The following HIPK3 variants were observed in gnomAD, a reference collection of about 807,000 sequenced individuals.
HIPK3 encodes homeodomain interacting protein kinase 3.
HIPK3 carries 47 observed loss-of-function variants against 124.2 expected under a neutral mutation model. The ratio of observed to expected loss-of-function variants is 0.38; its 90% confidence interval spans 0.30 to 0.48. The LOEUF (loss-of-function observed/expected upper bound fraction) is 0.48, where lower values mean the gene tolerates loss of function less well. HIPK3 is among the 20% of genes least tolerant of loss of function. The probability of loss-of-function intolerance (pLI) is 0.98; values close to 1 mark genes in which losing one functional copy is unlikely to be tolerated. For missense variants in HIPK3, 1,286 were observed against 1,454.3 expected (o/e 0.88, Z 1.88); for synonymous variants, 482 against 515.2 (o/e 0.94, Z 0.87).
At chr11:33,325,003 T>A (rs1271278332) in intron 2 of HIPK3, among the ~76,000 whole-genome samples, 2 of 152,220 alleles carry the variant, frequency 1.3e-5, no homozygotes, top group Admixed American at 1.3e-4. Context: ...TTAAAACTCT[T>A]TTGTATTTTA....
At chr11:33,314,948 C>G (rs1258720976) in intron 2 of HIPK3, among the ~76,000 whole-genome samples, 4 of 152,098 alleles carry the variant, frequency 2.6e-5, no homozygotes, top group Non-Finnish European at 5.9e-5. Context: ...AGGATACTTA[C>G]ATTTATTTTG....
intron 2 of HIPK3, among the ~76,000 whole-genome samples, chr11:33,324,284 C>G (rs1364893278): frequency 6.6e-6 from 1 of 152,124 alleles, no homozygotes; most frequent in Non-Finnish European, 1.5e-5. Flanking sequence ...GTAGAACTGT[C>G]ATGTCTCTGG....
In HIPK3 at chr11:33,351,631, G is replaced by A; in HGVS notation, c.2831G>A (p.Ser944Asn). 1 of 1,614,068 alleles carries A rather than the reference G, an allele frequency of 6.2e-7. No individual in the cohort carries two copies. Among genetic ancestry groups the A allele is most frequent in the Non-Finnish European group, 8.5e-7 (1 of 1,179,904 alleles). The change falls in exon 15 of 17, where the codon AGT (serine) becomes AAT (asparagine). Residue 944 changes from serine to asparagine, a missense_variant. By Grantham distance (46) the Ser-to-Asn change is conservative. Coordinates refer to ENST00000303296, the MANE Select transcript of HIPK3 (RefSeq NM_005734.5). Reference protein sequence around the residue: ...PNSMSDEEQESSCDTVDGSPT... With the variant: ...PNSMSDEEQENSCDTVDGSPT... Reference sequence around the variant, plus strand: ...AGTATGTCAGATGAAGAGCAAGAAAGTAGTTGTGATACGGTGGATGGCTCT... The same window carrying A: ...AGTATGTCAGATGAAGAGCAAGAAAATAGTTGTGATACGGTGGATGGCTCT...
intron 1 of HIPK3, among the ~76,000 whole-genome samples, chr11:33,281,911 T>TA (rs201648204): frequency 0.01 from 1,559 of 152,310 alleles, 5 homozygotes; most frequent in Non-Finnish European, 0.015. Context: ...AATATTCTTT[T>TA]ATATTGTCTT....
intron 8 of HIPK3, among the ~76,000 whole-genome samples, chr11:33,345,081 T>A (rs910597309): frequency 1.4e-4 from 22 of 152,166 alleles, no homozygotes; most frequent in African/African-American, 5.3e-4. Flanking sequence ...GTTTAAGTAA[T>A]GCATTTAATA....
rs575706841 is a variant in HIPK3 at position 33,337,010 on chromosome 11, T to C, written c.1222-65T>C. The C allele has an allele frequency of 6.8e-6, 8 of 1,176,888 alleles. No homozygotes were observed. In the East Asian group the frequency reaches 1.7e-4, roughly 25 times the overall value. 72.9% of individuals were successfully genotyped at this position (1,176,888 alleles called of 1,614,324 possible). A position where few individuals can be genotyped will look rare whatever the true frequency, so the allele number is the denominator to read the frequency against. On this transcript the variant is annotated intron_variant, in intron 3 of 16. Coordinates refer to ENST00000303296, the MANE Select transcript of HIPK3 (RefSeq NM_005734.5). ...ATACCTGACCTAACATATAGCCTAG[T>C]GTCTGACTTAAGTGTTCTGTCACAT...
Position 33,338,854 on chromosome 11 carries a change from T to C in HIPK3, c.1428+11T>C. ...GATGATGTAGCGCATGTGAGTACCA[T>C]AGCCACATTTGTTCATCTTACATGC... is the stretch of plus-strand genomic sequence containing the variant. On this transcript the variant is annotated intron_variant, in intron 5 of 16. Coordinates refer to ENST00000303296, the MANE Select transcript of HIPK3 (RefSeq NM_005734.5). 1 of 1,588,550 alleles carries C rather than the reference T, an allele frequency of 6.3e-7. No individual in the cohort carries two copies. The highest frequency in any genetic ancestry group is 8.6e-7 in the Non-Finnish European group (1 of 1,158,724).
At chr11:33,333,689 G>A (rs918570514) in intron 3 of HIPK3, among the ~76,000 whole-genome samples, 3 of 152,062 alleles carry the variant, frequency 2.0e-5, no homozygotes, top group African/African-American at 4.8e-5. Context: ...TTGTTTGTTT[G>A]TTTTTTGTTT....
chr11:33,291,484 G>T lies in HIPK3; in HGVS notation c.1097+3973G>T, dbSNP rs891418017. Among the ~76,000 whole-genome samples the T allele has an allele frequency of 2.4e-4, 37 of 152,284 alleles. 1 individual carries two copies. Among genetic ancestry groups the T allele is most frequent in the Middle Eastern group, 3.4e-3 (1 of 294 alleles). ...TAGGGATATCTTAAAATAGACAGGG[G>T]ACAGTGGCCAGAAATTGTTGACTAC... On this transcript the variant is annotated intron_variant, in intron 2 of 16. Transcript: ENST00000303296.
At chr11:33,329,574 A>G (rs1308466736) in intron 3 of HIPK3, among the ~76,000 whole-genome samples, 1 of 152,208 alleles carries the variant, frequency 6.6e-6, no homozygotes, top group Non-Finnish European at 1.5e-5. Context: ...CTGTCATTTA[A>G]TACTGATTAT....
intron 2 of HIPK3, among the ~76,000 whole-genome samples, chr11:33,299,193 G>C (rs1851922737): frequency 6.6e-6 from 1 of 151,824 alleles, no homozygotes. Context: ...GGTTTCTTGG[G>C]CCGGGCGCGG....
At chr11:33,323,041 A>G (rs915370652) in intron 2 of HIPK3, among the ~76,000 whole-genome samples, 5 of 152,278 alleles carry the variant, frequency 3.3e-5, no homozygotes, top group African/African-American at 4.8e-5. Flanking sequence ...CTCATTTTTT[A>G]TAATAGACAA....
rs997138082 is a variant in HIPK3 at position 33,257,749 on chromosome 11, G to A, written c.-143G>A. 15 of 988,598 alleles carry A rather than the reference G, an allele frequency of 1.5e-5. No individual in the cohort carries two copies. The African/African-American group carries it at 2.6e-4, about 17-fold the overall frequency. The allele number at this position is 988,598 out of a possible 1,614,324, so 61.2% of individuals were successfully genotyped here. On this transcript the variant is annotated 5_prime_UTR_variant, in exon 1 of 17. Coordinates refer to ENST00000303296, the MANE Select transcript of HIPK3 (RefSeq NM_005734.5). ...GCCAGGACAAGATGGCAGCGGCCGC[G>A]GAGAGGGGCTGAGCCCGGGCTGGGT... is the stretch of plus-strand genomic sequence containing the variant.
chr11:33,319,787 C>T (rs1260444964), intron 2 of HIPK3, among the ~76,000 whole-genome samples: 1 of 152,078 alleles, frequency 6.6e-6, no homozygotes, highest in Non-Finnish European at 1.5e-5. Context: ...AGTTCTTGCC[C>T]CCATGGAATT....
At chr11:33,335,133 G>A (rs1853102344) in intron 3 of HIPK3, among the ~76,000 whole-genome samples, 1 of 152,154 alleles carries the variant, frequency 6.6e-6, no homozygotes, top group African/African-American at 2.4e-5. Context: ...TAGCAGATCT[G>A]GGGGCAAATC....
intron 1 of HIPK3, among the ~76,000 whole-genome samples, chr11:33,271,881 T>G (rs562783128): frequency 6.6e-6 from 1 of 152,372 alleles, no homozygotes; most frequent in Non-Finnish European, 1.5e-5. Flanking sequence ...TGGTTTTTAG[T>G]GTCATGCATT....
chr11:33,319,217 A>G (rs1033555212), intron 2 of HIPK3, among the ~76,000 whole-genome samples: 2 of 152,154 alleles, frequency 1.3e-5, no homozygotes, highest in Non-Finnish European at 2.9e-5. Context: ...CATTTTCTTT[A>G]AATGAAATTA....
chr11:33,307,328 T>A (rs1852190582), intron 2 of HIPK3, among the ~76,000 whole-genome samples: 2 of 152,052 alleles, frequency 1.3e-5, no homozygotes, highest in African/African-American at 4.8e-5. Flanking sequence ...GGTAAACTTT[T>A]ATAATATGAA....
At chr11:33,258,377 C>A in intron 1 of HIPK3, 3 of 985,888 alleles carry the variant, frequency 3.0e-6, no homozygotes, top group Non-Finnish European at 3.6e-6. Context: ...GCTTGAGCAC[C>A]CCAGCCGATG....
Sources: gnomAD v4.1 joint callset for allele counts (sites outside exome capture counted in the v4.1 genomes callset) on GRCh38, gnomAD v4.1.1 for gene constraint, MANE v1.5 for transcripts, NCBI Gene and HGNC (gene_info 2026-07-23, HGNC 2026-07-21) for gene names.